The following EYA2 variants were observed in gnomAD, a reference collection of about 807,000 sequenced individuals.
EYA2 encodes the protein EYA transcriptional coactivator and phosphatase 2.
A neutral mutation model predicts 69.2 loss-of-function variants in EYA2; 31 were observed. The observed-to-expected ratio is 0.45, with a 90% confidence interval of 0.34 to 0.60. The LOEUF (loss-of-function observed/expected upper bound fraction) is 0.60, where lower values mean the gene tolerates loss of function less well. Among genes scored for constraint, EYA2 ranks in the 20% least tolerant of loss-of-function variants. The pLI, the probability that EYA2 is intolerant of heterozygous loss-of-function variation, is 0.02. For missense variants in EYA2, 622 were observed against 701.2 expected (o/e 0.89, Z 1.28); for synonymous variants, 257 against 279.4 (o/e 0.92, Z 0.80).
chr20:47,009,220 G>T (rs1363314747), intron 4 of EYA2, among the ~76,000 whole-genome samples: 1 of 152,146 alleles, frequency 6.6e-6, no homozygotes. Context: ...CACACAGAAT[G>T]TCCATGTCAC....
intron 12 of EYA2, among the ~76,000 whole-genome samples, chr20:47,174,565 G>A (rs1389483431): frequency 6.6e-6 from 1 of 152,160 alleles, no homozygotes; most frequent in Non-Finnish European, 1.5e-5. Context: ...TCCGTTCTTT[G>A]GGACAGACTT....
chr20:47,167,619 T>C (rs1434780040), intron 10 of EYA2, among the ~76,000 whole-genome samples: 2 of 152,012 alleles, frequency 1.3e-5, no homozygotes, highest in African/African-American at 2.4e-5. Flanking sequence ...TTTCTTTCAG[T>C]GGCCACTTGT....
intron 9 of EYA2, among the ~76,000 whole-genome samples, chr20:47,125,047 G>GTTTTTTTTTT (rs11478823): frequency 1.1e-5 from 1 of 88,396 alleles, no homozygotes; most frequent in Non-Finnish European, 2.3e-5. Context: ...TTTTGGTTAA[G>GTTTTTTTTTT]TTTTTTTTTT....
intron 9 of EYA2, among the ~76,000 whole-genome samples, chr20:47,141,685 C>T (rs1455154962): frequency 2.0e-5 from 3 of 152,220 alleles, no homozygotes. Context: ...GTGAACATAG[C>T]TGCCTTCCAG....
At chr20:47,055,512 G>C (rs566916975) in intron 5 of EYA2, among the ~76,000 whole-genome samples, 15 of 152,226 alleles carry the variant, frequency 9.9e-5, no homozygotes, top group African/African-American at 3.6e-4. Flanking sequence ...CCAATGCCTT[G>C]CTGCGACCGC....
intron 7 of EYA2, 96 bp from the exon 8 acceptor site, chr20:47,089,143 A>G (rs2031990317): frequency 4.1e-6 from 6 of 1,449,966 alleles, no homozygotes; most frequent in Admixed American, 2.0e-5. Context: ...CTTGGAACCC[A>G]CTGCTTTGGA....
chr20:47,155,284 A>T (rs1368944218), intron 10 of EYA2, among the ~76,000 whole-genome samples: 1 of 152,058 alleles, frequency 6.6e-6, no homozygotes, highest in East Asian at 2.0e-4. Context: ...ACACGACAGC[A>T]TCCTTCACTC....
At chr20:46,921,768 T>C (rs1174177281) in intron 1 of EYA2, among the ~76,000 whole-genome samples, 2 of 152,182 alleles carry the variant, frequency 1.3e-5, no homozygotes, top group African/African-American at 2.4e-5. Flanking sequence ...CCCAATGACC[T>C]CATTTGAGCA....
intron 1 of EYA2, among the ~76,000 whole-genome samples, chr20:46,963,236 T>A (rs1177852926): frequency 6.6e-6 from 1 of 152,210 alleles, no homozygotes. Flanking sequence ...CTTGTCTCAG[T>A]GTCTGCTCCT....
rs544328289 is a variant in EYA2, at chr20:46,965,588, G to A, written c.-10-24413G>A. Among the ~76,000 whole-genome samples the A allele has an allele frequency of 8.9e-4, 136 of 152,346 alleles. 2 individuals are homozygous for A. Among genetic ancestry groups the A allele is most frequent in the African/African-American group, 2.9e-3 (122 of 41,592 alleles). Reference sequence around the variant, plus strand: ...CATAGCTCCTGAGTCTGACCTAAGCGTGCCTTCTTCCCAGCGTGCAGAACT... The same window carrying A: ...CATAGCTCCTGAGTCTGACCTAAGCATGCCTTCTTCCCAGCGTGCAGAACT... On this transcript the variant is annotated intron_variant, in intron 1 of 15. Coordinates refer to ENST00000327619, the MANE Select transcript of EYA2 (RefSeq NM_005244.5).
rs532083837 is a variant in EYA2 at position 47,107,026 on chromosome 20, C to T, written c.888+9858C>T. ...GAGGCACAACAAACCCGTGAATCAACCCACCAAGATACCATTAGTGGTCTC... is the reference window on the plus strand; with the variant it reads ...GAGGCACAACAAACCCGTGAATCAATCCACCAAGATACCATTAGTGGTCTC... On this transcript the variant is annotated intron_variant, in intron 9 of 15. Coordinates refer to ENST00000327619, the MANE Select transcript of EYA2 (RefSeq NM_005244.5). 1.3e-3 allele frequency among the ~76,000 whole-genome samples: 193 copies of T among 152,180 alleles called. 1 individual carries two copies. Among genetic ancestry groups the T allele is most frequent in the African/African-American group, 4.6e-3 (189 of 41,520 alleles).
intron 9 of EYA2, among the ~76,000 whole-genome samples, chr20:47,116,578 T>G (rs905700643): frequency 6.6e-6 from 1 of 152,306 alleles, no homozygotes; most frequent in Non-Finnish European, 1.5e-5. Flanking sequence ...CCTTTGGGTG[T>G]GACGATGTCC....
chr20:47,029,825 C>T (rs1984303242), intron 5 of EYA2, among the ~76,000 whole-genome samples: 1 of 152,100 alleles, frequency 6.6e-6, no homozygotes, highest in African/African-American at 2.4e-5. Flanking sequence ...AGTACAGTTA[C>T]AATTGAACAT....
chr20:47,179,744 A>T, intron 12 of EYA2, 54 bp from the exon 13 acceptor site: 1 of 1,309,888 alleles, frequency 7.6e-7, no homozygotes, highest in African/African-American at 1.5e-5. Context: ...CCCTACCTTC[A>T]TCCCCCAGAT....
chr20:46,924,866 T>C (rs1405771132), intron 1 of EYA2, among the ~76,000 whole-genome samples: 2 of 152,280 alleles, frequency 1.3e-5, no homozygotes, highest in East Asian at 3.9e-4. Context: ...GTTAGTTTCC[T>C]GGGACTGATG....
At chr20:47,163,536 T>G (rs1389303109) in intron 10 of EYA2, among the ~76,000 whole-genome samples, 1 of 151,618 alleles carries the variant, frequency 6.6e-6, no homozygotes, top group African/African-American at 2.4e-5. Flanking sequence ...CCGTCTCTAC[T>G]AAAAATACAA....
intron 1 of EYA2, among the ~76,000 whole-genome samples, chr20:46,966,117 AC>A (rs1263512723): frequency 6.6e-6 from 1 of 152,138 alleles, no homozygotes; most frequent in East Asian, 1.9e-4. Context: ...GAACGAGGCA[AC>A]CTCTTACAGT....
chr20:47,069,275 C>A (rs940728410), intron 5 of EYA2, among the ~76,000 whole-genome samples: 1 of 152,102 alleles, frequency 6.6e-6, no homozygotes, highest in Non-Finnish European at 1.5e-5. Context: ...AGGTGGATCA[C>A]CTGAGGTCAG....
chr20:47,175,592 A>T (rs2034410468), intron 12 of EYA2, among the ~76,000 whole-genome samples: 1 of 152,228 alleles, frequency 6.6e-6, no homozygotes, highest in South Asian at 2.1e-4. Context: ...CATCTGACAC[A>T]CATAAGCTCT....
Sources: gnomAD v4.1 joint callset for allele counts (sites outside exome capture counted in the v4.1 genomes callset) on GRCh38, gnomAD v4.1.1 for gene constraint, MANE v1.5 for transcripts, NCBI Gene and HGNC (gene_info 2026-07-23, HGNC 2026-07-21) for gene names.